The following CALB2 variants were observed in gnomAD, a reference collection of about 807,000 sequenced individuals.
CALB2 encodes calretinin.
A neutral mutation model predicts 45.9 loss-of-function variants in CALB2; 34 were observed. The ratio of observed to expected loss-of-function variants is 0.74; its 90% CI spans 0.56 to 0.99. The LOEUF (loss-of-function observed/expected upper bound fraction) is 0.99. Ranked by LOEUF, CALB2 falls within the 50% of genes least tolerant of loss-of-function variation. CALB2 has a pLI of 0.00. For missense variants in CALB2, 344 were observed against 339.3 expected (o/e 1.01, Z -0.11); for synonymous variants, 142 against 129.6 (o/e 1.10, Z -0.65).
chr16:71,384,875 C>G (rs2042552535), intron 9 of CALB2, 39 bp downstream of exon 9: 1 of 1,564,942 alleles, frequency 6.4e-7, no homozygotes, highest in Admixed American at 1.7e-5. Context: ...AAATCAGAAG[C>G]CCATCAGCCC....
At chr16:71,387,491 G>T (rs2042584189) in intron 10 of CALB2, among the ~76,000 whole-genome samples, 1 of 151,342 alleles carries the variant, frequency 6.6e-6, no homozygotes, top group African/African-American at 2.4e-5. Context: ...CCACATAGAT[G>T]CACGCATTCC....
rs191709363 is a variant in CALB2 at position 71,389,699 on chromosome 16, G to A, written c.700-50G>A. 9.2e-5 allele frequency: 125 copies of A among 1,363,112 alleles called. No individual in the cohort carries two copies. The African/African-American group carries it at 1.4e-3, about 16-fold the overall frequency. 84.4% of individuals were successfully genotyped at this position (1,363,112 alleles called of 1,614,324 possible). On this transcript the variant is annotated intron_variant, in intron 10 of 10. Coordinates refer to ENST00000302628, the MANE Select transcript of CALB2 (RefSeq NM_001740.5). ...GTGAATGTGGACGTGGGCTCCTTGCGTCGGGACCATCCCCTGAACCTGCTC... is the reference window on the plus strand; with the variant it reads ...GTGAATGTGGACGTGGGCTCCTTGCATCGGGACCATCCCCTGAACCTGCTC...
intron 4 of CALB2, among the ~76,000 whole-genome samples, chr16:71,378,865 G>A (rs532353011): frequency 6.6e-6 from 1 of 152,328 alleles, no homozygotes; most frequent in African/African-American, 2.4e-5. Context: ...AAGCAGGCTA[G>A]AGAAGGATGG....
intron 4 of CALB2, among the ~76,000 whole-genome samples, chr16:71,378,021 G>A (rs980822398): frequency 1.3e-5 from 2 of 152,160 alleles, no homozygotes; most frequent in Non-Finnish European, 2.9e-5. Context: ...TCAGGGGTTC[G>A]AGACCAGCCT....
intron 10 of CALB2, among the ~76,000 whole-genome samples, chr16:71,388,474 T>C (rs2042597448): frequency 1.3e-5 from 2 of 152,208 alleles, no homozygotes; most frequent in East Asian, 1.9e-4. Flanking sequence ...TTCAGACCCA[T>C]TGGTTATTTG....
In CALB2 at chr16:71,384,009, C is replaced by G; in HGVS notation, c.517C>G (p.Leu173Val). Reference protein sequence around the residue: ...FDLNGDGKLGLSEMSRLLPVQ... With the variant: ...FDLNGDGKLGVSEMSRLLPVQ... Reference sequence around the variant, plus strand: ...CTTGAACGGGGATGGCAAATTGGGCCTCTCAGAGATGTCCCGGTAAGCACC... The same window carrying G: ...CTTGAACGGGGATGGCAAATTGGGCGTCTCAGAGATGTCCCGGTAAGCACC... Residue 173 changes from leucine to valine, a missense_variant, in exon 7 of 11, where the codon CTC becomes GTC. Physicochemically the swap from Leu to Val is conservative, Grantham distance 32. Coordinates refer to ENST00000302628, the MANE Select transcript of CALB2 (RefSeq NM_001740.5). 1 of 1,613,844 alleles carries G rather than the reference C, an allele frequency of 6.2e-7. No individual in the cohort carries two copies. The highest frequency in any genetic ancestry group is 1.1e-5 in the South Asian group (1 of 91,066).
intron 10 of CALB2, among the ~76,000 whole-genome samples, chr16:71,385,903 T>C (rs2042565743): frequency 6.6e-6 from 1 of 152,234 alleles, no homozygotes. Flanking sequence ...ACATTTTTAG[T>C]GTACAGTCCA....
intron 5 of CALB2, among the ~76,000 whole-genome samples, chr16:71,383,155 A>G (rs1313206944): frequency 6.6e-6 from 1 of 152,160 alleles, no homozygotes; most frequent in Non-Finnish European, 1.5e-5. Flanking sequence ...TCTAGCGCCT[A>G]TTCTGTGAGG....
At chr16:71,368,301 G>A (rs2042310057) in intron 1 of CALB2, among the ~76,000 whole-genome samples, 1 of 152,114 alleles carries the variant, frequency 6.6e-6, no homozygotes, top group Admixed American at 6.5e-5. Context: ...GACAGGTGGA[G>A]GATTTAAAGA....
At chr16:71,369,122 G>GCTTTTTTT (rs2042317951) in intron 1 of CALB2, among the ~76,000 whole-genome samples, 1 of 152,188 alleles carries the variant, frequency 6.6e-6, no homozygotes, top group African/African-American at 2.4e-5. Flanking sequence ...CCAGGGCCAA[G>GCTTTTTTT]GTGTTTGCAG....
intron 5 of CALB2, 82 bp downstream of exon 5, chr16:71,382,857 G>A (rs2042516494): frequency 1.6e-6 from 2 of 1,275,662 alleles, no homozygotes; most frequent in Non-Finnish European, 1.1e-6. Flanking sequence ...TGTTGGATGA[G>A]GGGCATGAGT....
intron 4 of CALB2, among the ~76,000 whole-genome samples, chr16:71,380,164 G>C (rs1351839332): frequency 1.3e-5 from 2 of 151,978 alleles, no homozygotes; most frequent in Non-Finnish European, 2.9e-5. Context: ...AGGGGGGGCA[G>C]GGATGCTTAC....
intron 1 of CALB2, among the ~76,000 whole-genome samples, chr16:71,369,810 G>A (rs2042327229): frequency 6.6e-6 from 1 of 152,148 alleles, no homozygotes; most frequent in Non-Finnish European, 1.5e-5. Context: ...TCTCAGTTGA[G>A]AAGAAATTGC....
chr16:71,379,728 T>C (rs931106092), intron 4 of CALB2, among the ~76,000 whole-genome samples: 2 of 152,198 alleles, frequency 1.3e-5, no homozygotes, highest in Admixed American at 6.5e-5. Context: ...CCACTGCCTG[T>C]AACAACTGGA....
intron 1 of CALB2, among the ~76,000 whole-genome samples, chr16:71,360,745 C>G (rs1275148218): frequency 6.6e-6 from 1 of 152,190 alleles, no homozygotes; most frequent in Non-Finnish European, 1.5e-5. Flanking sequence ...AGCACAATTG[C>G]ACCTTCTCAA....
At position 71,390,164 on chromosome 16, in the gene CALB2, T is replaced by C. The variant is rs981536495; in HGVS notation, c.*299T>C. ...CTGTGATGCATGAGCTCCCTCGCTG[T>C]ATGATTTAGGCTTCTATGTCCAACA... On this transcript the variant is annotated 3_prime_UTR_variant, in exon 11 of 11. Coordinates refer to ENST00000302628, the MANE Select transcript of CALB2 (RefSeq NM_001740.5). 1 of 320,992 alleles carries C rather than the reference T, an allele frequency of 3.1e-6. No individual in the cohort carries two copies. Among genetic ancestry groups the C allele is most frequent in the African/African-American group, 2.1e-5 (1 of 48,074 alleles). 19.9% of individuals were successfully genotyped at this position (320,992 alleles called of 1,614,324 possible).
Position 71,384,772 on chromosome 16 carries a change from G to C in CALB2, c.574-11G>C, listed in dbSNP as rs199772661. Reference sequence around the variant, plus strand: ...CTTCTGCTTCTGTCTTTAATACCCTGGTTCTTGCAGGGCATGAAGCTGACC... The same window carrying C: ...CTTCTGCTTCTGTCTTTAATACCCTCGTTCTTGCAGGGCATGAAGCTGACC... On this transcript the variant is annotated splice_polypyrimidine_tract_variant and intron_variant, in intron 8 of 10. Coordinates refer to ENST00000302628, the MANE Select transcript of CALB2 (RefSeq NM_001740.5). 4.1e-5 allele frequency: 55 copies of C among 1,342,266 alleles called. No homozygotes were observed. In the Middle Eastern group the frequency reaches 5.8e-4, roughly 14 times the overall value. The allele number at this position is 1,342,266 out of a possible 1,614,324, so 83.1% of individuals were successfully genotyped here.
At chr16:71,372,651 T>C (rs1339098741) in intron 2 of CALB2, among the ~76,000 whole-genome samples, 2 of 152,168 alleles carry the variant, frequency 1.3e-5, no homozygotes, top group Non-Finnish European at 2.9e-5. Flanking sequence ...CTGTTGGCAT[T>C]TGAGGCTGAA....
Position 71,383,396 on chromosome 16 carries a change from G to A in CALB2, c.429G>A (p.Ala143=), listed in dbSNP as rs779128346. 8.7e-6 allele frequency: 14 copies of A among 1,613,980 alleles called. No individual in the cohort carries two copies. In the East Asian group the frequency reaches 8.9e-5, roughly 10 times the overall value. ...TCCTGTCAGACCTGCTGAAGAAGGC[G>A]AACCGGCCGTACGATGAGCCCAAGC... The part of the protein sequence containing the change: ...KGFLSDLLKK[A]NRPYDEPKLQ... The change falls in exon 6 of 11, where the codon GCG becomes GCA. Residue 143 remains alanine, a synonymous_variant. Coordinates refer to ENST00000302628, the MANE Select transcript of CALB2 (RefSeq NM_001740.5).
Sources: gnomAD v4.1 joint callset for allele counts (sites outside exome capture counted in the v4.1 genomes callset) on GRCh38, gnomAD v4.1.1 for gene constraint, MANE v1.5 for transcripts, NCBI Gene and HGNC (gene_info 2026-07-23, HGNC 2026-07-21) for gene names.